PCDHGA1: variants seen among roughly 807,000 people sequenced by gnomAD.
PCDHGA1 encodes the protein protocadherin gamma-A1.
PCDHGA1 carries 32 observed loss-of-function variants against 58.0 expected under a neutral mutation model. The observed-to-expected ratio is 0.55, with a 90% CI of 0.42 to 0.74. The LOEUF is 0.74. PCDHGA1 is among the 30% of genes least tolerant of loss of function. The probability of loss-of-function intolerance (pLI) is 0.00; values close to 1 mark genes in which losing one functional copy is unlikely to be tolerated. For missense variants in PCDHGA1, 1,205 were observed against 1,182.3 expected (o/e 1.02, Z -0.28); for synonymous variants, 498 against 501.1 (o/e 0.99, Z 0.08).
chr5:141,362,045 C>T (rs573308473), intron 1 of PCDHGA1: 5 of 1,610,542 alleles, frequency 3.1e-6, no homozygotes, highest in Non-Finnish European at 4.2e-6. Flanking sequence ...GACAGGGACG[C>T]GGCCCGCCAG....
intron 1 of PCDHGA1, chr5:141,372,275 C>T (rs1308117997): frequency 4.3e-6 from 7 of 1,613,024 alleles, no homozygotes; most frequent in South Asian, 2.2e-5. Context: ...GTGAGGTGCG[C>T]ACGGCGCGTA....
intron 1 of PCDHGA1, chr5:141,413,033 T>C: frequency 1.3e-6 from 1 of 776,760 alleles, no homozygotes; most frequent in Non-Finnish European, 2.0e-6. Context: ...ACAAACCGGC[T>C]GCTGGGCTGC....
chr5:141,390,215 A>G, intron 1 of PCDHGA1: 1 of 1,614,038 alleles, frequency 6.2e-7, no homozygotes. Flanking sequence ...GACAAGACAT[A>G]CTTTGCGGTG....
Position 141,332,611 on chromosome 5 carries a change from G to T in PCDHGA1, c.1927G>T (p.Val643Leu). 1 of 1,612,920 alleles carries T rather than the reference G, an allele frequency of 6.2e-7. No individual in the cohort carries two copies. The highest frequency in any genetic ancestry group is 8.5e-7 in the Non-Finnish European group (1 of 1,179,886). ...CAGAGACGCGCTCAAGCAGAGTCTC[G>T]TGGTGGCCGTCCAGGACCACGGCCA... ...LDRDALKQSLVVAVQDHGQPP... is the reference protein window; with the variant it reads ...LDRDALKQSLLVAVQDHGQPP... Residue 643 changes from valine to leucine, a missense_variant, in exon 1 of 4, where the codon GTG becomes TTG. By Grantham distance (32) the Val-to-Leu change is conservative (BLOSUM62 1). Transcript: ENST00000517417. This position sits in a 1 kb window ranked among gnomAD's most constrained non-coding sequence, Gnocchi z 4.6.
At chr5:141,351,044 A>T (rs1404699564) in intron 1 of PCDHGA1, 5 of 1,613,948 alleles carry the variant, frequency 3.1e-6, no homozygotes, top group Non-Finnish European at 4.2e-6. Flanking sequence ...GCTGCGGGTG[A>T]TGGCCACAGA....
chr5:141,454,142 C>T (rs2098782408), intron 1 of PCDHGA1, among the ~76,000 whole-genome samples: 1 of 152,222 alleles, frequency 6.6e-6, no homozygotes, highest in Non-Finnish European at 1.5e-5. Context: ...GGAATGTTCA[C>T]ACTGCTACTT....
intron 1 of PCDHGA1, chr5:141,417,651 A>G (rs2154547111): frequency 1.2e-6 from 1 of 822,038 alleles, no homozygotes; most frequent in Non-Finnish European, 1.8e-6. Flanking sequence ...CTCAGCCTCT[A>G]GCCTGGGATT....
At chr5:141,509,669 G>GAGAA (rs2099877764) in intron 3 of PCDHGA1, among the ~76,000 whole-genome samples, 1 of 152,180 alleles carries the variant, frequency 6.6e-6, no homozygotes, top group African/African-American at 2.4e-5. Flanking sequence ...CTGGGCCCCA[G>GAGAA]TTTCTTCTTC....
chr5:141,372,625 G>A (rs1768925620), intron 1 of PCDHGA1: 8 of 1,614,000 alleles, frequency 5.0e-6, no homozygotes, highest in Non-Finnish European at 6.8e-6. Flanking sequence ...CCCACCTACA[G>A]CGAAAGGACT....
rs545524357 is a variant in PCDHGA1, at chr5:141,467,902, G to A, written c.2422-26905G>A. ...TCAAACTCCTGAGCTCAAGAAATCC[G>A]CCCACCTCAGCCTCCCAAAATGCTA... On this transcript the variant is annotated intron_variant, in intron 1 of 3. Coordinates refer to ENST00000517417, the MANE Select transcript of PCDHGA1 (RefSeq NM_018912.3). 1.1e-4 allele frequency among the ~76,000 whole-genome samples: 16 copies of A among 151,862 alleles called. No homozygotes were observed. The East Asian group carries it at 2.3e-3, about 22-fold the overall frequency.
At chr5:141,351,779 AGCGGGGTGGTG>A (rs755558848) in intron 1 of PCDHGA1, 1 of 1,613,332 alleles carries the variant, frequency 6.2e-7, no homozygotes, top group African/African-American at 1.3e-5. Flanking sequence ...GAGCCCGCAG[AGCGGGGTGGTG>A]TTCGCGCAGC....
Position 141,421,726 on chromosome 5 carries a change from T to G in PCDHGA1, c.2422-73081T>G. On this transcript the variant is annotated intron_variant, in intron 1 of 3. Transcript: ENST00000517417. The stretch of plus-strand genomic sequence containing the variant: ...TAGGGATCCAGATGTGGGCGTGAAC[T>G]CCCTCCAGAGCTACCAGCTCAGCCC... 1 of 1,613,928 alleles carries G rather than the reference T, an allele frequency of 6.2e-7. No homozygotes were observed. Among genetic ancestry groups the G allele is most frequent in the Non-Finnish European group, 8.5e-7 (1 of 1,179,852 alleles).
At chr5:141,459,315 T>C (rs2154566534) in intron 1 of PCDHGA1, among the ~76,000 whole-genome samples, 1 of 152,362 alleles carries the variant, frequency 6.6e-6, no homozygotes, top group East Asian at 1.9e-4. Context: ...CTATTTTGTA[T>C]CCATCTTCTT....
At chr5:141,443,442 C>T (rs571341362) in intron 1 of PCDHGA1, among the ~76,000 whole-genome samples, 9 of 152,202 alleles carry the variant, frequency 5.9e-5, no homozygotes, top group East Asian at 1.9e-4. Context: ...GCTGTGGTTG[C>T]GCTCCTGTAC....
At chr5:141,504,517 T>C (rs1057166865) in intron 2 of PCDHGA1, among the ~76,000 whole-genome samples, 5 of 151,918 alleles carry the variant, frequency 3.3e-5, no homozygotes, top group African/African-American at 1.2e-4. Context: ...TCTCCTCTGA[T>C]ATATTTTATT....
At chr5:141,483,082 C>T (rs2099576709) in intron 1 of PCDHGA1, among the ~76,000 whole-genome samples, 1 of 151,662 alleles carries the variant, frequency 6.6e-6, no homozygotes, top group African/African-American at 2.4e-5. Flanking sequence ...GAGACTCCAT[C>T]TCAAAAAAAA....
intron 1 of PCDHGA1, chr5:141,393,519 A>G: frequency 6.2e-7 from 1 of 1,614,036 alleles, no homozygotes; most frequent in African/African-American, 1.3e-5. Flanking sequence ...GTTGGATACA[A>G]ATGACAATGC....
At chr5:141,341,195 G>C in intron 1 of PCDHGA1, 1 of 1,614,222 alleles carries the variant, frequency 6.2e-7, no homozygotes, top group Non-Finnish European at 8.5e-7. Flanking sequence ...GCACTTTGTG[G>C]GCGTGGACGG....
rs761347005 is a variant in PCDHGA1, at chr5:141,417,873, G to A, written c.2422-76934G>A. On this transcript the variant is annotated intron_variant, in intron 1 of 3. Coordinates refer to ENST00000517417, the MANE Select transcript of PCDHGA1 (RefSeq NM_018912.3). The stretch of plus-strand genomic sequence containing the variant: ...CCCGAGCGAACGATGGGAGGGAGCT[G>A]CGCGCAGAGGCGCCGGGCCGGCCCG... 4.2e-5 allele frequency: 65 copies of A among 1,555,230 alleles called. 2 individuals are homozygous for A. The Middle Eastern group carries it at 6.4e-3, about 152-fold the overall frequency.
Sources: gnomAD v4.1 joint callset for allele counts (sites outside exome capture counted in the v4.1 genomes callset) on GRCh38, gnomAD v4.1.1 for gene constraint, Gnocchi (gnomAD v3.1) non-coding constraint, MANE v1.5 for transcripts, NCBI Gene and HGNC (gene_info 2026-07-23, HGNC 2026-07-21) for gene names.